DBT: variants seen among roughly 807,000 people sequenced by gnomAD.
DBT encodes lipoamide acyltransferase component of branched-chain alpha-keto acid dehydrogenase complex, mitochondrial.
A neutral mutation model predicts 51.3 loss-of-function variants in DBT; 40 were observed. That is an observed-to-expected ratio of 0.78 (90% CI 0.61 to 1.02). The LOEUF (loss-of-function observed/expected upper bound fraction) is 1.02. Ranked by LOEUF, DBT falls within the 50% of genes least tolerant of loss-of-function variation. DBT has a pLI of 0.00. For missense variants in DBT, 510 were observed against 580.2 expected (o/e 0.88, Z 1.24); for synonymous variants, 181 against 190.4 (o/e 0.95, Z 0.41).
Position 100,225,022 on chromosome 1 carries a change from C to CAAAAAAA in DBT, c.433+5704_433+5710dup, listed in dbSNP as rs1553231585. ...GACAGAGTGAGACTCCGTCTCCCCC[C>CAAAAAAA]AAAAAAAAAAAAAAAAAAAAATATA... On this transcript the variant is annotated intron_variant, in intron 4 of 10. Coordinates refer to ENST00000370132, the MANE Select transcript of DBT (RefSeq NM_001918.5). Among the ~76,000 whole-genome samples the CAAAAAAA allele has an allele frequency of 3.1e-5, 2 of 64,838 alleles. 1 individual carries two copies. 42.5% of individuals were successfully genotyped at this position (64,838 alleles called of 152,430 possible).
intron 1 of DBT, among the ~76,000 whole-genome samples, chr1:100,247,154 A>G (rs992877462): frequency 3.3e-5 from 5 of 152,236 alleles, no homozygotes; most frequent in African/African-American, 1.2e-4. Flanking sequence ...AAAGGTCCAG[A>G]TCATAAATTG....
intron 10 of DBT, among the ~76,000 whole-genome samples, chr1:100,205,797 C>T (rs1385810002): frequency 6.6e-6 from 1 of 152,104 alleles, no homozygotes; most frequent in African/African-American, 2.4e-5. Context: ...AGTTCATGTC[C>T]TTTGCAGGGT....
rs753685282 is a variant in DBT, at chr1:100,214,969, T to C, written c.787A>G (p.Met263Val). ...TEPIKGFQKA[M>V]VKTMSAALKI... ...AGGGCTGCAGACATAGTCTTGACCA[T>C]TGCTTTTTGAAAGCCTGAAAAGCAT... The change falls in exon 7 of 11, where the codon ATG (methionine) becomes GTG (valine). Residue 263 changes from methionine (M) to valine (V), a missense_variant. Transcript: ENST00000370132. 6.2e-7 allele frequency: 1 copy of C among 1,611,274 alleles called. No individual in the cohort carries two copies. The highest frequency in any genetic ancestry group is 8.5e-7 in the Non-Finnish European group (1 of 1,177,422).
rs974058127 is a variant in DBT at position 100,195,206 on chromosome 1, G to T, written c.*1049C>A. On this transcript the variant is annotated 3_prime_UTR_variant, in exon 11 of 11. Transcript: ENST00000370132. ...ACTTCTCAAATTTTTTTTAAAAAAAGAAATGTCAGTGGCTGCTACATTTAA... is the reference window on the plus strand; with the variant it reads ...ACTTCTCAAATTTTTTTTAAAAAAATAAATGTCAGTGGCTGCTACATTTAA... 6.6e-6 allele frequency: 1 copy of T among 152,472 alleles called. No homozygotes were observed. The highest frequency in any genetic ancestry group is 6.6e-5 in the Admixed American group (1 of 15,262). 9.4% of individuals were successfully genotyped at this position (152,472 alleles called of 1,614,324 possible).
Position 100,196,295 on chromosome 1 carries a change from T to C in DBT, c.1409A>G (p.Tyr470Cys), listed in dbSNP as rs1661084404. The C allele has an allele frequency of 1.2e-6, 2 of 1,613,924 alleles. No homozygotes were observed. The highest frequency in any genetic ancestry group is 1.1e-5 in the South Asian group (1 of 91,080). Residue 470 changes from tyrosine to cysteine, a missense_variant, in exon 11 of 11, where the codon TAT (tyrosine) becomes TGT (cysteine). Tyr to Cys is a radical substitution (Grantham distance 194). Transcript: ENST00000370132. Reference sequence around the variant, plus strand: ...TAGCATAAAAGCTGGGTTTTCTAAATAGGATTTCCACAAATTGGAGAAGCG... The same window carrying C: ...TAGCATAAAAGCTGGGTTTTCTAAACAGGATTTCCACAAATTGGAGAAGCG... ...MSRFSNLWKS[Y>C]LENPAFMLLD...
chr1:100,215,037 C>CAT, intron 6 of DBT, 54 bp from the exon 7 acceptor site: 6 of 964,204 alleles, frequency 6.2e-6, no homozygotes, highest in Non-Finnish European at 9.1e-6. Flanking sequence ...TCTCTTCATC[C>CAT]TTTTTTTTTT....
At chr1:100,228,242 C>T (rs1252972181) in intron 4 of DBT, among the ~76,000 whole-genome samples, 1 of 152,092 alleles carries the variant, frequency 6.6e-6, no homozygotes, top group Non-Finnish European at 1.5e-5. Flanking sequence ...CAAGACAAAT[C>T]CAAAAAGTTT....
chr1:100,241,957 G>C (rs111311765), intron 1 of DBT, among the ~76,000 whole-genome samples: 9 of 151,952 alleles, frequency 5.9e-5, no homozygotes, highest in African/African-American at 1.9e-4. Context: ...GGAGGCAGAG[G>C]TTGCAGTGAG....
In DBT at chr1:100,216,124, T is replaced by C. The variant is rs199528969; in HGVS notation, c.631A>G (p.Lys211Glu). ...LKEDILNYLE[K>E]QTGAILPPSP... ...GGAGGCAATATAGCTCCTGTCTGCT[T>C]TTCCAAATAGTTGAGGATATCTTCT... The change falls in exon 6 of 11, where the codon AAG (lysine) becomes GAG (glutamate). Residue 211 changes from lysine to glutamate, a missense_variant. Coordinates refer to ENST00000370132, the MANE Select transcript of DBT (RefSeq NM_001918.5). The C allele has an allele frequency of 6.8e-6, 11 of 1,613,950 alleles. No individual in the cohort carries two copies. In the African/African-American group the frequency reaches 1.3e-4, roughly 20 times the overall value.
At chr1:100,197,148 C>A (rs967485563) in intron 10 of DBT, 3 of 152,374 alleles carry the variant, frequency 2.0e-5, no homozygotes, top group Non-Finnish European at 4.4e-5. Context: ...ATTCAATAGA[C>A]ATAAAATCAT....
chr1:100,247,282 T>C (rs1570854698), intron 1 of DBT, among the ~76,000 whole-genome samples: 1 of 152,346 alleles, frequency 6.6e-6, no homozygotes, highest in East Asian at 1.9e-4. Flanking sequence ...GAGAATGGGT[T>C]GGAAAAACTA....
intron 4 of DBT, among the ~76,000 whole-genome samples, chr1:100,227,924 C>T (rs1281014441): frequency 6.6e-6 from 1 of 152,108 alleles, no homozygotes; most frequent in African/African-American, 2.4e-5. Context: ...TCTTGGCTCA[C>T]CACAACCTCT....
chr1:100,212,726 C>T (rs1278716350), intron 7 of DBT, among the ~76,000 whole-genome samples: 1 of 152,114 alleles, frequency 6.6e-6, no homozygotes, highest in East Asian at 1.9e-4. Context: ...GGAGTCTGTA[C>T]CTGACCACAG....
chr1:100,239,914 C>T (rs1664112699), intron 2 of DBT, among the ~76,000 whole-genome samples: 1 of 148,460 alleles, frequency 6.7e-6, no homozygotes, highest in African/African-American at 2.5e-5. Flanking sequence ...TTGGGGTCTG[C>T]CTGGAATTCC....
Position 100,192,946 on chromosome 1 carries a change from A to G in DBT, c.*3309T>C, listed in dbSNP as rs890558109. ...AATTCCAACCTCTAGGAGTACAGCA[A>G]GAGCCTTTTCCTCCTCCCAAACACC... On this transcript the variant is annotated 3_prime_UTR_variant, in exon 11 of 11. Coordinates refer to ENST00000370132, the MANE Select transcript of DBT (RefSeq NM_001918.5). 6.6e-6 allele frequency: 1 copy of G among 152,326 alleles called. No individual in the cohort carries two copies. The highest frequency in any genetic ancestry group is 1.5e-5 in the Non-Finnish European group (1 of 68,134). The allele number at this position is 152,326 out of a possible 1,614,324, so 9.4% of individuals were successfully genotyped here.
At chr1:100,207,688 A>AT (rs1348693713) in intron 8 of DBT, among the ~76,000 whole-genome samples, 4 of 151,426 alleles carry the variant, frequency 2.6e-5, no homozygotes, top group African/African-American at 2.4e-5. Context: ...AGCTACAAAA[A>AT]TTTTTTTTTA....
intron 1 of DBT, among the ~76,000 whole-genome samples, chr1:100,241,365 A>ATT (rs202180632): frequency 3.4e-5 from 3 of 88,802 alleles, no homozygotes; most frequent in African/African-American, 1.3e-4. Flanking sequence ...TCTGAAAGGT[A>ATT]TTGTGTGTGT....
In DBT at chr1:100,189,862, T is replaced by C. The variant is rs951257185; in HGVS notation, c.*6393A>G. The C allele has an allele frequency of 6.6e-6, 1 of 152,200 alleles. No homozygotes were observed. Among genetic ancestry groups the C allele is most frequent in the African/African-American group, 2.4e-5 (1 of 41,448 alleles). The allele number at this position is 152,200 out of a possible 1,614,324, so 9.4% of individuals were successfully genotyped here. A position where few individuals can be genotyped will look rare whatever the true frequency, so the allele number is the denominator to read the frequency against. ...TATTAGTTAAGGCAGCACTATCCAA[T>C]AGAATTTTCTGTGATGATGGAAACA... On this transcript the variant is annotated 3_prime_UTR_variant, in exon 11 of 11. Transcript: ENST00000370132.
chr1:100,239,851 C>CAAAAAAAAAAAAAAAAAAAA (rs56661922), intron 2 of DBT, among the ~76,000 whole-genome samples: 4 of 111,162 alleles, frequency 3.6e-5, no homozygotes, highest in African/African-American at 3.8e-5. Context: ...CAACAGAGCT[C>CAAAAAAAAAAAAAAAAAAAA]AAAAAAAAAA....
Sources: gnomAD v4.1 joint callset for allele counts (sites outside exome capture counted in the v4.1 genomes callset) on GRCh38, gnomAD v4.1.1 for gene constraint, MANE v1.5 for transcripts, NCBI Gene and HGNC (gene_info 2026-07-23, HGNC 2026-07-21) for gene names.